Variants in SEC61A2 observed in about 807,000 individuals in gnomAD.
SEC61A2 encodes SEC61 translocon subunit alpha 2.
In SEC61A2, 28 loss-of-function variants were observed where a neutral mutation model predicts 59.9. The ratio of observed to expected loss-of-function variants is 0.47; its 90% confidence interval spans 0.35 to 0.64. The LOEUF is 0.64. SEC61A2 is among the 30% of genes least tolerant of loss of function. SEC61A2 has a pLI of 0.01. For synonymous variants in SEC61A2, 202 were observed against 214.4 expected (o/e 0.94, Z 0.50); for missense variants, 340 against 585.9 (o/e 0.58, Z 4.33).
chr10:12,164,065 T>G lies in SEC61A2; in HGVS notation c.1245-203T>G, dbSNP rs1410792462. 1.3e-5 allele frequency among the ~76,000 whole-genome samples: 2 copies of G among 152,206 alleles called. No individual in the cohort carries two copies. Among genetic ancestry groups the G allele is most frequent in the East Asian group, 3.8e-4 (2 of 5,200 alleles). ...TGGCTGTTGACTGGTTCCTGGAAAT[T>G]AGGGTCAGAGTCTTTGCCTGGATCA... On this transcript the variant is annotated intron_variant, in intron 11 of 11. Coordinates refer to ENST00000298428, the MANE Select transcript of SEC61A2 (RefSeq NM_018144.4). This position sits in a 1 kb window ranked among gnomAD's most constrained non-coding sequence, Gnocchi z 7.3.
At chr10:12,159,423 C>G (rs1047457975) in intron 9 of SEC61A2, among the ~76,000 whole-genome samples, 8 of 152,118 alleles carry the variant, frequency 5.3e-5, no homozygotes, top group Non-Finnish European at 1.0e-4. Context: ...CGTGTTGGCT[C>G]TCATCTGTAA....
Position 12,164,440 on chromosome 10 carries a change from G to A in SEC61A2, c.1417G>A (p.Ala473Thr), listed in dbSNP as rs1367610657. 2 of 1,610,162 alleles carry A rather than the reference G, an allele frequency of 1.2e-6. No individual in the cohort carries two copies. The highest frequency in any genetic ancestry group is 1.3e-5 in the African/African-American group (1 of 74,650). Residue 473 changes from alanine (A) to threonine (T), a missense_variant, in exon 12 of 12, where the codon GCT (alanine) becomes ACT (threonine). By Grantham distance (58) the Ala-to-Thr change is moderately conservative. Transcript: ENST00000298428. This position sits in a 1 kb window ranked among gnomAD's most constrained non-coding sequence, Gnocchi z 7.3. ...KEQAEVGGMG[A>T]LFF Reference sequence around the variant, plus strand: ...ACAGGCCGAAGTTGGTGGGATGGGTGCTTTGTTTTTCTAAATGTTCAAATA... The same window carrying A: ...ACAGGCCGAAGTTGGTGGGATGGGTACTTTGTTTTTCTAAATGTTCAAATA...
intron 3 of SEC61A2, among the ~76,000 whole-genome samples, chr10:12,140,975 C>T (rs1421826220): frequency 6.6e-6 from 1 of 152,110 alleles, no homozygotes; most frequent in Non-Finnish European, 1.5e-5. Context: ...TGTCTGCTCA[C>T]TGCAACCTCT....
chr10:12,163,312 CTTTTTTTTTTTTTTT>C (rs3060465), intron 11 of SEC61A2, among the ~76,000 whole-genome samples: 1 of 68,584 alleles, frequency 1.5e-5, no homozygotes, highest in Non-Finnish European at 2.6e-5. Context: ...GGCCAGCTAG[CTTTTTTTTTTTTTTT>C]TTTTTTTTTT....
intron 4 of SEC61A2, among the ~76,000 whole-genome samples, chr10:12,148,751 T>C (rs978667118): frequency 3.3e-5 from 5 of 151,792 alleles, no homozygotes; most frequent in African/African-American, 1.2e-4. Context: ...CTCAATCTCC[T>C]GACCTCAGGT....
Position 12,143,006 on chromosome 10 carries a change from G to A in SEC61A2, c.142-111G>A, listed in dbSNP as rs1834056717. 2 of 747,302 alleles carry A rather than the reference G, an allele frequency of 2.7e-6. No homozygotes were observed. The highest frequency in any genetic ancestry group is 4.8e-6 in the Non-Finnish European group (2 of 420,840). 46.3% of individuals were successfully genotyped at this position (747,302 alleles called of 1,614,324 possible). ...AGTCTCCTGTCACCCAGGCTGGAGTGCAGTGGCGTGATCTCAGCTCACTGC... is the reference window on the plus strand; with the variant it reads ...AGTCTCCTGTCACCCAGGCTGGAGTACAGTGGCGTGATCTCAGCTCACTGC... On this transcript the variant is annotated intron_variant, in intron 3 of 11. Transcript: ENST00000298428. This position sits in a 1 kb window ranked among gnomAD's most constrained non-coding sequence, Gnocchi z 4.8.
Position 12,142,092 on chromosome 10 carries a change from A to G in SEC61A2, c.142-1025A>G, listed in dbSNP as rs541011621. 1.3e-5 allele frequency among the ~76,000 whole-genome samples: 2 copies of G among 152,226 alleles called. No homozygotes were observed. Among genetic ancestry groups the G allele is most frequent in the Non-Finnish European group, 2.9e-5 (2 of 68,048 alleles). On this transcript the variant is annotated intron_variant, in intron 3 of 11. Coordinates refer to ENST00000298428, the MANE Select transcript of SEC61A2 (RefSeq NM_018144.4). This position sits in a 1 kb window ranked among gnomAD's most constrained non-coding sequence, Gnocchi z 5.4. ...TGAAGGCAGCTTTCCAGAACATGCA[A>G]GAATGCTGTGTGTCACAGCCTGTTA...
chr10:12,149,798 C>G lies in SEC61A2; in HGVS notation c.353-54C>G, dbSNP rs1045254745. ...TCGTGGTAAAGATGTTTTCTCTAGT[C>G]TTTTCTTGTCTTTGGTGGTAAGCGT... On this transcript the variant is annotated intron_variant, in intron 5 of 11. Coordinates refer to ENST00000298428, the MANE Select transcript of SEC61A2 (RefSeq NM_018144.4). This position sits in a 1 kb window ranked among gnomAD's most constrained non-coding sequence, Gnocchi z 5.2. The G allele has an allele frequency of 3.8e-5, 61 of 1,606,248 alleles. No individual in the cohort carries two copies. Among genetic ancestry groups the G allele is most frequent in the Non-Finnish European group, 5.1e-5 (60 of 1,175,118 alleles).
In SEC61A2 at chr10:12,143,170, G is replaced by A; in HGVS notation, c.195G>A (p.Met65Ile). Reference protein sequence around the residue: ...SSDSADPFYWMRVILASNRGT... With the variant: ...SSDSADPFYWIRVILASNRGT... Reference sequence around the variant, plus strand: ...ATTCTGCAGATCCTTTCTACTGGATGAGAGTTATTCTGGCTTCCAATAGAG... The same window carrying A: ...ATTCTGCAGATCCTTTCTACTGGATAAGAGTTATTCTGGCTTCCAATAGAG... Residue 65 changes from methionine to isoleucine, a missense_variant, in exon 4 of 12, where the codon ATG becomes ATA. By Grantham distance (10) the Met-to-Ile change is conservative (BLOSUM62 1). This residue lies in a region of SEC61A2 where 16 missense variants were observed against 55.0 expected (regional missense o/e 0.29). Coordinates refer to ENST00000298428, the MANE Select transcript of SEC61A2 (RefSeq NM_018144.4). The surrounding 1 kb of genome is among the most constrained non-coding windows in gnomAD (Gnocchi z 4.8). The A allele has an allele frequency of 6.2e-7, 1 of 1,613,158 alleles. No homozygotes were observed. The highest frequency in any genetic ancestry group is 8.5e-7 in the Non-Finnish European group (1 of 1,179,108).
In SEC61A2 at chr10:12,143,754, G is replaced by A. The variant is rs1197832211; in HGVS notation, c.220+559G>A. 6.6e-6 allele frequency among the ~76,000 whole-genome samples: 1 copy of A among 152,106 alleles called. No homozygotes were observed. The highest frequency in any genetic ancestry group is 2.4e-5 in the African/African-American group (1 of 41,430). On this transcript the variant is annotated intron_variant, in intron 4 of 11. Transcript: ENST00000298428. This position sits in a 1 kb window ranked among gnomAD's most constrained non-coding sequence, Gnocchi z 4.8. ...CCTCCAAAAAAAAAGGGAGTCCAGT[G>A]TGTGAGCCAATCGGGGAGCTCAGCT... is the stretch of plus-strand genomic sequence containing the variant.
In SEC61A2 at chr10:12,138,832, T is replaced by G. The variant is rs1182252295; in HGVS notation, c.141+2662T>G. Among the ~76,000 whole-genome samples, 3 of 152,256 alleles carry G rather than the reference T, an allele frequency of 2.0e-5. No individual in the cohort carries two copies. In the East Asian group the frequency reaches 5.8e-4, roughly 29 times the overall value. On this transcript the variant is annotated intron_variant, in intron 3 of 11. Transcript: ENST00000298428. ...TCAATTTGCTATGAACATTCATGTATAAGTCTTTCTGTGGATATTTTTCAT... is the reference window on the plus strand; with the variant it reads ...TCAATTTGCTATGAACATTCATGTAGAAGTCTTTCTGTGGATATTTTTCAT...
chr10:12,166,868 C>A, downstream of SEC61A2: 1 of 408,194 alleles, frequency 2.4e-6, no homozygotes, highest in South Asian at 1.9e-5. Flanking sequence ...GTACTTCTTG[C>A]TGTGAACTAC....
At chr10:12,133,134 G>A (rs372096827) in intron 1 of SEC61A2, 107 bp from the exon 2 acceptor site, 39 of 592,622 alleles carry the variant, frequency 6.6e-5, no homozygotes, top group East Asian at 6.1e-4. Context: ...GCTTAAGGGT[G>A]GGGTGAATTG....
chr10:12,164,128 C>T lies in SEC61A2; in HGVS notation c.1245-140C>T. 4 of 905,352 alleles carry T rather than the reference C, an allele frequency of 4.4e-6. No homozygotes were observed. The highest frequency in any genetic ancestry group is 6.6e-6 in the Non-Finnish European group (4 of 609,386). The allele number at this position is 905,352 out of a possible 1,614,324, so 56.1% of individuals were successfully genotyped here. On this transcript the variant is annotated intron_variant, in intron 11 of 11. Transcript: ENST00000298428. The surrounding 1 kb of genome is among the most constrained non-coding windows in gnomAD (Gnocchi z 7.3). ...CCATGCCGTGCCCTGCACACCCCTC[C>T]ACACTGCAGCCTGTTCCCTCTGGAG...
chr10:12,136,378 G>T (rs1364406530), intron 3 of SEC61A2, among the ~76,000 whole-genome samples: 1 of 152,120 alleles, frequency 6.6e-6, no homozygotes, highest in African/African-American at 2.4e-5. Flanking sequence ...CATGATCTCG[G>T]CTCACCGCAA....
Position 12,161,433 on chromosome 10 carries a change from C to T in SEC61A2, c.1167+312C>T, listed in dbSNP as rs915764572. ...CTGCACTCCAGCCTGGGTGACAGAG[C>T]GAGATCCTGTCTCAAAAAAATAAAA... is the stretch of plus-strand genomic sequence containing the variant. On this transcript the variant is annotated intron_variant, in intron 10 of 11. Coordinates refer to ENST00000298428, the MANE Select transcript of SEC61A2 (RefSeq NM_018144.4). The surrounding 1 kb of genome is among the most constrained non-coding windows in gnomAD (Gnocchi z 5.4). 4.6e-5 allele frequency among the ~76,000 whole-genome samples: 7 copies of T among 151,120 alleles called. No individual in the cohort carries two copies. The highest frequency in any genetic ancestry group is 4.0e-4 in the Admixed American group (6 of 15,170).
downstream of SEC61A2, chr10:12,167,613 A>T: frequency 7.8e-7 from 1 of 1,282,568 alleles, no homozygotes; most frequent in Non-Finnish European, 1.1e-6. Flanking sequence ...GCTAATGGCA[A>T]ATCTACATTA....
intron 4 of SEC61A2, among the ~76,000 whole-genome samples, chr10:12,146,703 A>G (rs1292700175): frequency 1.3e-5 from 2 of 151,562 alleles, no homozygotes; most frequent in African/African-American, 4.9e-5. Flanking sequence ...ATTTTTTAGT[A>G]CAGGTGGGGT....
chr10:12,162,151 G>C lies in SEC61A2; in HGVS notation c.1168-62G>C. The C allele has an allele frequency of 8.5e-6, 11 of 1,291,056 alleles. 1 individual carries two copies. The South Asian group carries it at 1.3e-4, about 15-fold the overall frequency. 80.0% of individuals were successfully genotyped at this position (1,291,056 alleles called of 1,614,324 possible). A position where few individuals can be genotyped will look rare whatever the true frequency, so the allele number is the denominator to read the frequency against. The stretch of plus-strand genomic sequence containing the variant: ...GTGTGGCGAGCACTTCGCATAGAAC[G>C]TGGTAGATGTAAGCAGTGAAATGTT... On this transcript the variant is annotated intron_variant, in intron 10 of 11. Coordinates refer to ENST00000298428, the MANE Select transcript of SEC61A2 (RefSeq NM_018144.4). The surrounding 1 kb of genome is among the most constrained non-coding windows in gnomAD (Gnocchi z 6.1).
Sources: allele counts gnomAD v4.1 joint callset (sites outside exome capture counted in the v4.1 genomes callset), GRCh38; gene constraint gnomAD v4.1.1; regional missense constraint gnomAD v4.1.1; non-coding constraint Gnocchi (gnomAD v3.1); transcripts MANE v1.5; gene names NCBI Gene and HGNC (gene_info 2026-07-23, HGNC 2026-07-21).